The following FAM91A1 variants were observed in gnomAD, a reference collection of about 807,000 sequenced individuals.
FAM91A1 encodes the protein family with sequence similarity 91 member A1.
Under a neutral mutation model 113.5 loss-of-function variants are expected in FAM91A1, and 41 were observed. The observed-to-expected ratio is 0.36, with a 90% CI of 0.28 to 0.47. FAM91A1 has a LOEUF of 0.47. Among genes scored for constraint, FAM91A1 ranks in the 20% least tolerant of loss-of-function variants. The pLI, the probability that FAM91A1 is intolerant of heterozygous loss-of-function variation, is 1.00. For missense variants in FAM91A1, 696 were observed against 1,001.2 expected (o/e 0.70, Z 4.11); for synonymous variants, 307 against 347.9 (o/e 0.88, Z 1.31).
chr8:123,787,455 T>C, intron 13 of FAM91A1, 82 bp downstream of exon 13: 1 of 1,157,096 alleles, frequency 8.6e-7, no homozygotes. Context: ...TATATCTTTT[T>C]TAAAGTACTA....
chr8:123,781,065 A>G (rs1815108920), intron 8 of FAM91A1, among the ~76,000 whole-genome samples: 1 of 152,110 alleles, frequency 6.6e-6, no homozygotes, highest in Non-Finnish European at 1.5e-5. Flanking sequence ...GGTAATTTAG[A>G]TTATTTCCAG....
intron 8 of FAM91A1, among the ~76,000 whole-genome samples, chr8:123,783,344 T>C (rs544248491): frequency 5.5e-5 from 8 of 144,866 alleles, no homozygotes; most frequent in African/African-American, 1.8e-4. Context: ...TAGCTGATAG[T>C]GTAGGGAAAT....
At chr8:123,796,859 C>T (rs1215125810) in intron 15 of FAM91A1, among the ~76,000 whole-genome samples, 1 of 150,848 alleles carries the variant, frequency 6.6e-6, no homozygotes, top group Non-Finnish European at 1.5e-5. Flanking sequence ...GTCAGGAGAT[C>T]GAGACCATCC....
intron 20 of FAM91A1, 92 bp from the exon 21 acceptor site, chr8:123,808,180 T>G: frequency 1.0e-6 from 1 of 984,098 alleles, no homozygotes; most frequent in Non-Finnish European, 1.5e-6. Flanking sequence ...TCATTACTAT[T>G]GTCTGAAGTC....
At chr8:123,778,201 C>T (rs1285368968) in intron 5 of FAM91A1, 109 bp downstream of exon 5, 19 of 746,902 alleles carry the variant, frequency 2.5e-5, no homozygotes, top group Non-Finnish European at 4.1e-5. Context: ...ATAAAATGTA[C>T]TTAACACAGA....
intron 8 of FAM91A1, among the ~76,000 whole-genome samples, chr8:123,782,688 A>G (rs1201544278): frequency 6.6e-6 from 1 of 152,154 alleles, no homozygotes; most frequent in Non-Finnish European, 1.5e-5. Flanking sequence ...ACTTATTTTC[A>G]TATTTGATGT....
rs1816019545 is a variant in FAM91A1 at position 123,814,187 on chromosome 8, A to G, written c.*1483A>G. The G allele has an allele frequency of 5.1e-6, 2 of 391,394 alleles. No individual in the cohort carries two copies. The highest frequency in any genetic ancestry group is 4.0e-5 in the Admixed American group (1 of 24,966). 24.2% of individuals were successfully genotyped at this position (391,394 alleles called of 1,614,324 possible). On this transcript the variant is annotated 3_prime_UTR_variant, in exon 24 of 24. Coordinates refer to ENST00000334705, the MANE Select transcript of FAM91A1 (RefSeq NM_144963.4). Reference sequence around the variant, plus strand: ...AGAAGGTAGAAACCATGTGTATGTTATGTTTGTCTATAAAAGAAAAAATAC... The same window carrying G: ...AGAAGGTAGAAACCATGTGTATGTTGTGTTTGTCTATAAAAGAAAAAATAC...
intron 15 of FAM91A1, among the ~76,000 whole-genome samples, chr8:123,794,934 G>A (rs1367710985): frequency 6.6e-6 from 1 of 152,210 alleles, no homozygotes; most frequent in Non-Finnish European, 1.5e-5. Flanking sequence ...AACTTATGAA[G>A]CTGTTTTTAC....
intron 1 of FAM91A1, among the ~76,000 whole-genome samples, chr8:123,770,637 T>C (rs1190264096): frequency 6.6e-6 from 1 of 152,232 alleles, no homozygotes; most frequent in Non-Finnish European, 1.5e-5. Flanking sequence ...AGAATAAATG[T>C]AGCATACTGG....
chr8:123,780,593 T>C (rs1451856772), intron 8 of FAM91A1, 51 bp downstream of exon 8: 3 of 1,433,926 alleles, frequency 2.1e-6, no homozygotes, highest in Non-Finnish European at 2.9e-6. Context: ...TATCAGGTGC[T>C]AAGCATTGCA....
intron 1 of FAM91A1, among the ~76,000 whole-genome samples, chr8:123,771,859 T>C (rs1294657651): frequency 6.6e-6 from 1 of 152,250 alleles, no homozygotes; most frequent in African/African-American, 2.4e-5. Context: ...TAGTGTCTTA[T>C]TCTTACATCG....
At position 123,786,497 on chromosome 8, in the gene FAM91A1, G is replaced by A. The variant is rs1271642193; in HGVS notation, c.965G>A (p.Ser322Asn). ...KNVPSVNRLK[S>N]TLDPQKMLLS... ...GCAAATGCATTCTTCATTAATAGGA[G>A]TACCTTAGATCCACAGAAGATGCTC... Residue 322 changes from serine (S) to asparagine (N), a missense_variant and splice_region_variant, in exon 12 of 24, where the codon AGT (serine) becomes AAT (asparagine). Ser to Asn is a conservative substitution (Grantham distance 46). Transcript: ENST00000334705. 34 of 1,607,054 alleles carry A rather than the reference G, an allele frequency of 2.1e-5. No homozygotes were observed. The highest frequency in any genetic ancestry group is 2.7e-5 in the Non-Finnish European group (32 of 1,174,386).
At chr8:123,810,395 T>G in intron 23 of FAM91A1, 44 bp downstream of exon 23, 1 of 1,528,370 alleles carries the variant, frequency 6.5e-7, no homozygotes, top group Non-Finnish European at 9.1e-7. Context: ...TACTGAGCTT[T>G]AAGTATGCAC....
At chr8:123,810,708 G>A (rs1453325757) in intron 23 of FAM91A1, 4 of 284,564 alleles carry the variant, frequency 1.4e-5, no homozygotes, top group Non-Finnish European at 1.9e-5. Flanking sequence ...TTGTGGCAGC[G>A]AAGGCCAGTG....
chr8:123,790,520 C>CA, intron 15 of FAM91A1, among the ~76,000 whole-genome samples: 1 of 152,334 alleles, frequency 6.6e-6, no homozygotes, highest in South Asian at 2.1e-4. Context: ...CATGGGTCCT[C>CA]AATACCACTA....
Position 123,786,490 on chromosome 8 carries a change from A to AG in FAM91A1, c.963-5_963-4insG. The AG allele has an allele frequency of 6.3e-7, 1 of 1,595,646 alleles. No individual in the cohort carries two copies. Among genetic ancestry groups the AG allele is most frequent in the Non-Finnish European group, 8.6e-7 (1 of 1,164,182 alleles). ...TTAAAAAGCAAATGCATTCTTCATT[A>AG]ATAGGAGTACCTTAGATCCACAGAA... On this transcript the variant is annotated splice_polypyrimidine_tract_variant and splice_region_variant and intron_variant, in intron 11 of 23. Transcript: ENST00000334705.
intron 14 of FAM91A1, among the ~76,000 whole-genome samples, chr8:123,788,838 C>A (rs1347665035): frequency 6.6e-6 from 1 of 152,060 alleles, no homozygotes; most frequent in Non-Finnish European, 1.5e-5. Context: ...CTTGGGAAAG[C>A]CTTTCAGTCT....
chr8:123,794,349 A>G (rs1815456071), intron 15 of FAM91A1, among the ~76,000 whole-genome samples: 1 of 152,242 alleles, frequency 6.6e-6, no homozygotes, highest in South Asian at 2.1e-4. Context: ...TTTATCATTT[A>G]TTATCATAAA....
intron 8 of FAM91A1, among the ~76,000 whole-genome samples, chr8:123,782,429 C>G (rs1347761349): frequency 6.6e-6 from 1 of 152,268 alleles, no homozygotes. Context: ...ACAAAACAAA[C>G]AAGCACTATG....
Sources: allele counts gnomAD v4.1 joint callset (sites outside exome capture counted in the v4.1 genomes callset), GRCh38; gene constraint gnomAD v4.1.1; transcripts MANE v1.5; gene names NCBI Gene and HGNC (gene_info 2026-07-23, HGNC 2026-07-21).